Variants in MYH7B observed in about 807,000 individuals in gnomAD.
MYH7B encodes the protein myosin heavy chain 7B, also known as myosin-7B.
Under a neutral mutation model 234.5 loss-of-function variants are expected in MYH7B, and 205 were observed. The observed-to-expected ratio is 0.87, with a 90% CI of 0.78 to 0.98. The LOEUF (loss-of-function observed/expected upper bound fraction) is 0.98. MYH7B is among the 50% of genes least tolerant of loss of function. The pLI is 0.00. For missense variants in MYH7B, 2,652 were observed against 2,633.4 expected, an observed-to-expected ratio of 1.01 and a Z score of -0.15; for synonymous variants, 1,193 against 1,105.0, an observed-to-expected ratio of 1.08 and a Z score of -1.58.
At position 34,981,080 on chromosome 20, in the gene MYH7B, G is replaced by A; in HGVS notation, c.527+20G>A. 1 of 1,613,414 alleles carries A rather than the reference G, an allele frequency of 6.2e-7. No individual in the cohort carries two copies. Among genetic ancestry groups the A allele is most frequent in the East Asian group, 2.2e-5 (1 of 44,878 alleles). On this transcript the variant is annotated intron_variant, in intron 9 of 44. Coordinates refer to ENST00000262873, the Ensembl canonical transcript of MYH7B. ...GATCACGTGAGTGTGGGGCTCTGGG[G>A]GTGGGGTGGAAAATGCTGGCCATCT...
intron 13 of MYH7B, 106 bp from the exon 14 acceptor site, chr20:34,985,994 C>G: frequency 1.1e-6 from 1 of 925,170 alleles, no homozygotes; most frequent in Non-Finnish European, 1.7e-6. Flanking sequence ...GCAGATGCAG[C>G]CCCCCTGCAC....
chr20:34,994,251 G>A (rs1003886673), exon 27 of MYH7B: 9 of 1,612,944 alleles, frequency 5.6e-6, no homozygotes, highest in Middle Eastern at 1.6e-4. Flanking sequence ...TGCGCTCGGC[G>A]CAGGCTGAGG....
At chr20:34,987,774 G>T in exon 18 of MYH7B, 1 of 1,614,222 alleles carries the variant, frequency 6.2e-7, no homozygotes, top group Non-Finnish European at 8.5e-7. Context: ...GGTGGTGTTT[G>T]CTGTGGGGGC....
At chr20:34,959,757 G>C (rs2081675141) in intron 2 of MYH7B, among the ~76,000 whole-genome samples, 1 of 152,172 alleles carries the variant, frequency 6.6e-6, no homozygotes, top group Non-Finnish European at 1.5e-5. Context: ...GATTACAGGT[G>C]TGAGCCACCG....
exon 34 of MYH7B, chr20:34,998,548 G>C (rs752405628): frequency 2.5e-6 from 4 of 1,613,686 alleles, no homozygotes; most frequent in South Asian, 2.2e-5. Flanking sequence ...AGGAGTGTCT[G>C]ATCAGTCAGC....
intron 14 of MYH7B, 147 bp from the exon 15 acceptor site, chr20:34,986,739 G>A: frequency 1.5e-6 from 1 of 645,560 alleles, no homozygotes. Context: ...GAGAAACTTA[G>A]GCCCCAGACT....
At chr20:35,001,803 G>T in intron 43 of MYH7B, 145 bp from the exon 44 acceptor site, 2 of 1,305,364 alleles carry the variant, frequency 1.5e-6, no homozygotes, top group Non-Finnish European at 2.1e-6. Flanking sequence ...CCTTATTCCC[G>T]CTGTGGTATT....
intron 2 of MYH7B, among the ~76,000 whole-genome samples, chr20:34,964,372 A>C (rs1167989448): frequency 6.6e-6 from 1 of 152,230 alleles, no homozygotes; most frequent in African/African-American, 2.4e-5. Context: ...GGGGCCCAGA[A>C]TAACCCTTTA....
chr20:34,999,750 T>TCC, intron 37 of MYH7B, 41 bp from the exon 38 acceptor site: 36 of 1,320,296 alleles, frequency 2.7e-5, no homozygotes, highest in South Asian at 5.5e-5. Context: ...CCACTGGCCA[T>TCC]CCCCCCCCCC....
chr20:34,999,946 G>A, intron 38 of MYH7B, 40 bp downstream of exon 38: 2 of 1,547,866 alleles, frequency 1.3e-6, no homozygotes, highest in Non-Finnish European at 1.8e-6. Flanking sequence ...CCCGAGAGCA[G>A]AAGGGGAGGG....
At chr20:34,972,963 A>C (rs1569029928) in intron 2 of MYH7B, among the ~76,000 whole-genome samples, 1 of 152,100 alleles carries the variant, frequency 6.6e-6, no homozygotes, top group East Asian at 1.9e-4. Context: ...TTTTGTAGAG[A>C]TGTCACAGGG....
At chr20:34,975,315 C>T in intron 2 of MYH7B, 85 bp from the exon 3 acceptor site, 1 of 497,730 alleles carries the variant, frequency 2.0e-6, no homozygotes. Flanking sequence ...AGCGGTCCTC[C>T]CACCTCAGCC....
At chr20:34,974,081 T>C (rs1320468999) in intron 2 of MYH7B, among the ~76,000 whole-genome samples, 2 of 152,146 alleles carry the variant, frequency 1.3e-5, no homozygotes, top group East Asian at 1.9e-4. Flanking sequence ...CCTGCCACCA[T>C]GCCTGGCTAA....
At chr20:34,981,374 C>T in intron 9 of MYH7B, 1 of 342,708 alleles carries the variant, frequency 2.9e-6, no homozygotes, top group Non-Finnish European at 5.3e-6. Flanking sequence ...GGCTCAGGGG[C>T]AGCGGAAAGA....
At position 35,002,339 on chromosome 20, in the gene MYH7B, A is replaced by ATTCTT. The variant is rs1258143791; in HGVS notation, c.*158_*162dup. The stretch of plus-strand genomic sequence containing the variant: ...AAACACCACAGCCAGTTTCCTTCTC[A>ATTCTT]TTCTTTTCTTTGGGGTTCAGGAGGA... On this transcript the variant is annotated 3_prime_UTR_variant, in exon 45 of 45. Coordinates refer to ENST00000262873, the Ensembl canonical transcript of MYH7B. 2.7e-5 allele frequency: 23 copies of ATTCTT among 850,426 alleles called. No individual in the cohort carries two copies. The East Asian group carries it at 4.8e-4, about 18-fold the overall frequency. The allele number at this position is 850,426 out of a possible 1,614,324, so 52.7% of individuals were successfully genotyped here. A position where few individuals can be genotyped will look rare whatever the true frequency, so the allele number is the denominator to read the frequency against.
At chr20:34,980,770 C>G (rs2081930638) in intron 8 of MYH7B, 36 bp downstream of exon 8, 3 of 1,602,344 alleles carry the variant, frequency 1.9e-6, no homozygotes, top group African/African-American at 2.7e-5. Flanking sequence ...AACCGCAGAC[C>G]CCGACCTCGG....
chr20:34,996,403 AAGG>A (rs1416259845), exon 29 of MYH7B: 2 of 1,612,606 alleles, frequency 1.2e-6, no homozygotes, highest in Non-Finnish European at 1.7e-6. Flanking sequence ...CCGGCTGACC[AAGG>A]AGAAGAAGGC....
At chr20:34,994,189 G>T in exon 27 of MYH7B, 1 of 1,613,440 alleles carries the variant, frequency 6.2e-7, no homozygotes, top group East Asian at 2.2e-5. Flanking sequence ...TGCCTTCAAT[G>T]CCGTCAAGAA....
chr20:34,999,749 ATCC>A (rs2082332534), intron 37 of MYH7B, 39 bp from the exon 38 acceptor site: 1 of 1,226,740 alleles, frequency 8.2e-7, no homozygotes, highest in Non-Finnish European at 1.1e-6. Flanking sequence ...TCCACTGGCC[ATCC>A]CCCCCCCCCA....
Sources: allele counts gnomAD v4.1 joint callset (sites outside exome capture counted in the v4.1 genomes callset), GRCh38; gene constraint gnomAD v4.1.1; transcripts MANE v1.5; gene names NCBI Gene and HGNC (gene_info 2026-07-23, HGNC 2026-07-21).